Variants in TACR3 observed in about 807,000 individuals in gnomAD.
The protein encoded by TACR3 is tachykinin receptor 3.
In TACR3, 34 loss-of-function variants were observed where a neutral mutation model predicts 35.0. That is an observed-to-expected ratio of 0.97 (90% CI 0.74 to 1.30). The LOEUF (loss-of-function observed/expected upper bound fraction) is 1.30, where lower values mean the gene tolerates loss of function less well. Ranked by LOEUF, TACR3 falls within the 50% of genes most tolerant of loss-of-function variation. TACR3 has a pLI of 0.00. For synonymous variants in TACR3, 233 were observed against 221.1 expected (o/e 1.05, Z -0.48); for missense variants, 558 against 591.7 (o/e 0.94, Z 0.59).
At chr4:103,716,975 T>C (rs1723105534) in intron 1 of TACR3, among the ~76,000 whole-genome samples, 1 of 152,146 alleles carries the variant, frequency 6.6e-6, no homozygotes, top group South Asian at 2.1e-4. Context: ...CTTTAACTTA[T>C]AAAATATATC....
intron 3 of TACR3, among the ~76,000 whole-genome samples, chr4:103,643,319 G>T (rs889393223): frequency 6.6e-6 from 1 of 151,638 alleles, no homozygotes; most frequent in Non-Finnish European, 1.5e-5. Flanking sequence ...CTTTTTATTG[G>T]ACAGCACTGT....
At chr4:103,658,066 C>T (rs1306315985) in intron 2 of TACR3, 149 bp downstream of exon 2, 2 of 779,892 alleles carry the variant, frequency 2.6e-6, no homozygotes, top group Non-Finnish European at 4.2e-6. Context: ...CAAATCATAC[C>T]ATATTACAGT....
At chr4:103,627,026 A>G (rs1724909047) in intron 3 of TACR3, among the ~76,000 whole-genome samples, 1 of 150,786 alleles carries the variant, frequency 6.6e-6, no homozygotes, top group South Asian at 2.1e-4. Context: ...TAAATAAAAA[A>G]AAAAAATTAG....
Position 103,589,422 on chromosome 4 carries a change from C to A in TACR3, c.*260G>T. 1 of 413,104 alleles carries A rather than the reference C, an allele frequency of 2.4e-6. No homozygotes were observed. The highest frequency in any genetic ancestry group is 4.4e-6 in the Non-Finnish European group (1 of 227,538). 25.6% of individuals were successfully genotyped at this position (413,104 alleles called of 1,614,324 possible). A position where few individuals can be genotyped will look rare whatever the true frequency, so the allele number is the denominator to read the frequency against. Reference sequence around the variant, plus strand: ...GGCGAGTTTACAAGTATTTTCCTGACATATTTTTGTTCATTGCATATAATA... The same window carrying A: ...GGCGAGTTTACAAGTATTTTCCTGAAATATTTTTGTTCATTGCATATAATA... On this transcript the variant is annotated 3_prime_UTR_variant, in exon 5 of 5. Transcript: ENST00000304883.
intron 1 of TACR3, among the ~76,000 whole-genome samples, chr4:103,683,691 C>A (rs1722161077): frequency 6.6e-6 from 1 of 151,892 alleles, no homozygotes; most frequent in African/African-American, 2.4e-5. Context: ...ATATGAATCT[C>A]TAGTACCTCA....
Position 103,589,595 on chromosome 4 carries a change from A to G in TACR3, c.*87T>C, listed in dbSNP as rs199959009. ...ATTGCTTTCTGTTTCTAGAGGGTAT[A>G]TAGGACAGGACTGGTAAATAGGAGA... On this transcript the variant is annotated 3_prime_UTR_variant, in exon 5 of 5. Coordinates refer to ENST00000304883, the MANE Select transcript of TACR3 (RefSeq NM_001059.3). The G allele has an allele frequency of 1.5e-5, 23 of 1,506,476 alleles. No individual in the cohort carries two copies. The highest frequency in any genetic ancestry group is 4.1e-5 in the African/African-American group (3 of 72,566). 93.3% of individuals were successfully genotyped at this position (1,506,476 alleles called of 1,614,324 possible).
intron 1 of TACR3, among the ~76,000 whole-genome samples, chr4:103,659,353 A>C (rs1206368084): frequency 1.3e-5 from 2 of 152,156 alleles, no homozygotes; most frequent in Admixed American, 1.3e-4. Flanking sequence ...GCTTACAAAT[A>C]CTGGTTTCAC....
At chr4:103,709,522 G>A (rs1380096581) in intron 1 of TACR3, among the ~76,000 whole-genome samples, 1 of 152,128 alleles carries the variant, frequency 6.6e-6, no homozygotes, top group Non-Finnish European at 1.5e-5. Context: ...AAAATAGAAA[G>A]GAGCAACTGG....
intron 1 of TACR3, among the ~76,000 whole-genome samples, chr4:103,714,993 A>G (rs1723057150): frequency 6.6e-6 from 1 of 152,196 alleles, no homozygotes; most frequent in East Asian, 1.9e-4. Flanking sequence ...AACAAAGGGT[A>G]GCATAGAAGA....
chr4:103,637,585 C>A (rs1018295846), intron 3 of TACR3, among the ~76,000 whole-genome samples: 7 of 152,024 alleles, frequency 4.6e-5, no homozygotes, highest in Admixed American at 2.6e-4. Context: ...GAAGTTCTGG[C>A]CAGGGCAATC....
At chr4:103,651,652 C>T (rs1272226641) in intron 3 of TACR3, among the ~76,000 whole-genome samples, 1 of 151,674 alleles carries the variant, frequency 6.6e-6, no homozygotes, top group Non-Finnish European at 1.5e-5. Flanking sequence ...TTTTCTCAAG[C>T]AGAAGGTGTT....
Position 103,712,630 on chromosome 4 carries a change from C to T in TACR3, c.548+6498G>A, listed in dbSNP as rs141734537. Among the ~76,000 whole-genome samples the T allele has an allele frequency of 0.021, 3,218 of 152,020 alleles. 206 individuals are homozygous for T. In the East Asian group the frequency reaches 0.22, roughly 10 times the overall value. ...AAAGGCAAAATTGACAAATGGGATC[C>T]AATTAAACTAAAGAGCTTCTGCACA... On this transcript the variant is annotated intron_variant, in intron 1 of 4. Transcript: ENST00000304883.
chr4:103,598,004 T>A (rs1724081630), intron 3 of TACR3, among the ~76,000 whole-genome samples: 1 of 152,178 alleles, frequency 6.6e-6, no homozygotes, highest in African/African-American at 2.4e-5. Flanking sequence ...TATTTCTAGT[T>A]CTAGATCCCT....
At chr4:103,654,825 G>T (rs1028433897) in intron 3 of TACR3, among the ~76,000 whole-genome samples, 3 of 151,976 alleles carry the variant, frequency 2.0e-5, no homozygotes, top group Non-Finnish European at 4.4e-5. Context: ...ATAGCTATAA[G>T]AAATTATCCC....
At position 103,620,762 on chromosome 4, in the gene TACR3, T is replaced by TA. The variant is rs1724757410; in HGVS notation, c.889-29080dup. Among the ~76,000 whole-genome samples, 5 of 152,062 alleles carry TA rather than the reference T, an allele frequency of 3.3e-5. No homozygotes were observed. The South Asian group carries it at 1.0e-3, about 32-fold the overall frequency. ...GACTACTGGAGGGTGGGGGTGGATT[T>TA]AAAAAACTACCCATTGAGCACTATG... On this transcript the variant is annotated intron_variant, in intron 3 of 4. Coordinates refer to ENST00000304883, the MANE Select transcript of TACR3 (RefSeq NM_001059.3).
At chr4:103,717,526 C>A (rs1723115625) in intron 1 of TACR3, among the ~76,000 whole-genome samples, 1 of 152,106 alleles carries the variant, frequency 6.6e-6, no homozygotes, top group South Asian at 2.1e-4. Flanking sequence ...AAAAATACAA[C>A]CTTTTTTTCC....
chr4:103,589,386 T>G lies in TACR3; in HGVS notation c.*296A>C. ...ACAAATGTATATTGCAATTTGTAAA[T>G]GAGATAGACTGGCGAGTTTACAAGT... On this transcript the variant is annotated 3_prime_UTR_variant, in exon 5 of 5. Transcript: ENST00000304883. 6.1e-6 allele frequency: 2 copies of G among 327,176 alleles called. No homozygotes were observed. The highest frequency in any genetic ancestry group is 6.0e-5 in the East Asian group (1 of 16,620). 20.3% of individuals were successfully genotyped at this position (327,176 alleles called of 1,614,324 possible).
intron 1 of TACR3, among the ~76,000 whole-genome samples, chr4:103,661,932 TA>T (rs1292352546): frequency 6.6e-6 from 1 of 152,090 alleles, no homozygotes; most frequent in Non-Finnish European, 1.5e-5. Flanking sequence ...AGTAGAAAAA[TA>T]CTTCCCAAAT....
At chr4:103,604,604 C>G (rs1020360700) in intron 3 of TACR3, among the ~76,000 whole-genome samples, 7 of 152,104 alleles carry the variant, frequency 4.6e-5, no homozygotes, top group Non-Finnish European at 7.4e-5. Context: ...GAACAGGCAA[C>G]TTATAGAATG....
Sources: allele counts gnomAD v4.1 joint callset (sites outside exome capture counted in the v4.1 genomes callset), GRCh38; gene constraint gnomAD v4.1.1; transcripts MANE v1.5; gene names NCBI Gene and HGNC (gene_info 2026-07-23, HGNC 2026-07-21).